IL34: variants seen among roughly 807,000 people sequenced by gnomAD.
IL34 encodes the protein interleukin-34.
Under a neutral mutation model 25.3 loss-of-function variants are expected in IL34, and 17 were observed. That is an observed-to-expected ratio of 0.67 (90% CI 0.46 to 1.01). The LOEUF (loss-of-function observed/expected upper bound fraction) is 1.01. Among genes scored for constraint, IL34 ranks in the 50% least tolerant of loss-of-function variants. The probability of loss-of-function intolerance (pLI) is 0.00; values close to 1 mark genes in which losing one functional copy is unlikely to be tolerated. For synonymous variants in IL34, 174 were observed against 140.9 expected, an observed-to-expected ratio of 1.23 and a Z score of -1.66; for missense variants, 368 against 312.9, an observed-to-expected ratio of 1.18 and a Z score of -1.33.
At chr16:70,641,002 T>G (rs1304353061) in intron 1 of IL34, among the ~76,000 whole-genome samples, 2 of 152,102 alleles carry the variant, frequency 1.3e-5, no homozygotes, top group Non-Finnish European at 2.9e-5. Context: ...CTGGGCGTGG[T>G]GGCTCACACC....
chr16:70,626,940 C>A (rs755324865), intron 1 of IL34, among the ~76,000 whole-genome samples: 1 of 151,966 alleles, frequency 6.6e-6, no homozygotes, highest in African/African-American at 2.4e-5. Flanking sequence ...TCTTTCTGTT[C>A]ATGTTCATTC....
intron 1 of IL34, among the ~76,000 whole-genome samples, chr16:70,597,224 CT>C (rs199537943): frequency 0.11 from 16,090 of 144,508 alleles, 1,993 homozygotes; most frequent in African/African-American, 0.29. Context: ...AGTTTTTTAG[CT>C]TTTTTTTTTT....
chr16:70,592,943 G>A (rs1025973680), intron 1 of IL34, among the ~76,000 whole-genome samples: 1 of 152,076 alleles, frequency 6.6e-6, no homozygotes, highest in Non-Finnish European at 1.5e-5. Flanking sequence ...GTGAGCCACC[G>A]TGCCGGCCCT....
At chr16:70,587,522 C>T (rs1202419865) in intron 1 of IL34, among the ~76,000 whole-genome samples, 3 of 152,042 alleles carry the variant, frequency 2.0e-5, no homozygotes, top group East Asian at 2.0e-4. Flanking sequence ...CCGCCCGCCT[C>T]GGCGTCCCAA....
chr16:70,616,866 T>A (rs2051180684), intron 1 of IL34, among the ~76,000 whole-genome samples: 1 of 152,216 alleles, frequency 6.6e-6, no homozygotes, highest in Admixed American at 6.5e-5. Flanking sequence ...GATGTATACG[T>A]GCAAGTCACA....
At chr16:70,629,640 A>G (rs1276391885) in intron 1 of IL34, among the ~76,000 whole-genome samples, 2 of 151,988 alleles carry the variant, frequency 1.3e-5, no homozygotes, top group African/African-American at 4.8e-5. Context: ...GAGTAATGAC[A>G]AGAAAAATGT....
intron 1 of IL34, among the ~76,000 whole-genome samples, chr16:70,607,956 C>T (rs1292042150): frequency 1.3e-5 from 2 of 151,476 alleles, no homozygotes; most frequent in Non-Finnish European, 2.9e-5. Context: ...TTAGTAGAGA[C>T]GGGGTTTTGC....
chr16:70,626,340 A>G (rs13330163), intron 1 of IL34, among the ~76,000 whole-genome samples: 77,302 of 151,950 alleles, frequency 0.51, 20,843 homozygotes, highest in African/African-American at 0.7. Context: ...ATGTTTAATC[A>G]TAGGTACCAA....
At chr16:70,633,461 C>T (rs10163215) in intron 1 of IL34, among the ~76,000 whole-genome samples, 2,493 of 152,116 alleles carry the variant, frequency 0.016, 73 homozygotes, top group African/African-American at 0.057. Context: ...GACGTGGTCT[C>T]CCTATGTTGC....
intron 1 of IL34, among the ~76,000 whole-genome samples, chr16:70,651,953 G>A (rs1463329068): frequency 4.6e-5 from 7 of 151,332 alleles, no homozygotes; most frequent in Admixed American, 2.6e-4. Context: ...GTGAAACCCC[G>A]TCTGTACTAA....
rs376910918 is a variant in IL34, at chr16:70,619,163, A to G, written c.-400-27385A>G. Among the ~76,000 whole-genome samples the G allele has an allele frequency of 6.4e-4, 97 of 152,220 alleles. 1 individual carries two copies. The highest frequency in any genetic ancestry group is 1.4e-3 in the African/African-American group (58 of 41,496). On this transcript the variant is annotated intron_variant, in intron 1 of 6. Coordinates refer to the IL34 transcript ENST00000429149. Reference sequence around the variant, plus strand: ...GCTTTAAAAGGCCATGCTGTAGCAGACGAGTGATAACAGGCTTTAATCTTT... The same window carrying G: ...GCTTTAAAAGGCCATGCTGTAGCAGGCGAGTGATAACAGGCTTTAATCTTT...
chr16:70,660,041 A>G lies in IL34; in HGVS notation c.583A>G (p.Ser195Gly). The G allele has an allele frequency of 6.2e-7, 1 of 1,612,114 alleles. No homozygotes were observed. Among genetic ancestry groups the G allele is most frequent in the Non-Finnish European group, 8.5e-7 (1 of 1,179,322 alleles). Residue 195 changes from serine to glycine, a missense_variant, in exon 6 of 6, where the codon AGT becomes GGT. Ser to Gly is a moderately conservative substitution (Grantham distance 56, BLOSUM62 0). Coordinates refer to ENST00000288098, the MANE Select transcript of IL34 (RefSeq NM_001393494.1). The part of the protein sequence containing the change: ...VLNWQDCEVP[S>G]PQSCSPEPSL... ...AAACTGGCAGGACTGTGAGGTGCCA[A>G]GTCCTCAGTCTTGCAGCCCAGAGCC...
chr16:70,586,602 T>C (rs1289829185), intron 1 of IL34, among the ~76,000 whole-genome samples: 4 of 152,080 alleles, frequency 2.6e-5, no homozygotes, highest in Admixed American at 2.0e-4. Flanking sequence ...AGAGGAGCCT[T>C]AGTCCTAAGG....
At chr16:70,640,438 A>G (rs2051753598) in intron 1 of IL34, among the ~76,000 whole-genome samples, 1 of 152,058 alleles carries the variant, frequency 6.6e-6, no homozygotes, top group Non-Finnish European at 1.5e-5. Context: ...AGCCTGGCCA[A>G]CAAGATGAAA....
upstream of IL34, among the ~76,000 whole-genome samples, chr16:70,645,022 A>G (rs2051889717): frequency 6.9e-6 from 1 of 144,122 alleles, no homozygotes; most frequent in Non-Finnish European, 1.5e-5. Context: ...AGGAAGGAGG[A>G]GAAGGAAAAA....
At chr16:70,646,201 C>T (rs868590476), upstream of IL34, among the ~76,000 whole-genome samples, 2 of 152,256 alleles carry the variant, frequency 1.3e-5, no homozygotes, top group Non-Finnish European at 2.9e-5. Flanking sequence ...TGAGCCATTG[C>T]GTCCGGCTTG....
At chr16:70,648,766 G>A (rs1246576948) in intron 1 of IL34, among the ~76,000 whole-genome samples, 1 of 151,952 alleles carries the variant, frequency 6.6e-6, no homozygotes, top group Non-Finnish European at 1.5e-5. Flanking sequence ...AGAAAGCTTC[G>A]GGTGGCTTAG....
chr16:70,627,534 C>T (rs2051423424), intron 1 of IL34, among the ~76,000 whole-genome samples: 2 of 150,234 alleles, frequency 1.3e-5, no homozygotes, highest in Non-Finnish European at 3.0e-5. Flanking sequence ...CAGGCTAGAG[C>T]ACAGTGGTGC....
At chr16:70,619,326 A>T (rs980237254) in intron 1 of IL34, among the ~76,000 whole-genome samples, 25 of 152,076 alleles carry the variant, frequency 1.6e-4, no homozygotes, top group African/African-American at 6.0e-4. Context: ...GGGGAATACA[A>T]GAGGAGACGC....
Sources: allele counts gnomAD v4.1 joint callset (sites outside exome capture counted in the v4.1 genomes callset), GRCh38; gene constraint gnomAD v4.1.1; transcripts MANE v1.5; gene names NCBI Gene and HGNC (gene_info 2026-07-23, HGNC 2026-07-21).